GPRC5B: variants seen among roughly 807,000 people sequenced by gnomAD.
The protein encoded by GPRC5B is G protein-coupled receptor family C group 5 member B.
Under a neutral mutation model 30.1 loss-of-function variants are expected in GPRC5B, and 16 were observed. The observed-to-expected ratio is 0.53, with a 90% confidence interval of 0.36 to 0.81. GPRC5B has a LOEUF of 0.81. Among genes scored for constraint, GPRC5B ranks in the 30% least tolerant of loss-of-function variants. The probability of loss-of-function intolerance (pLI) is 0.01; values close to 1 mark genes in which losing one functional copy is unlikely to be tolerated. For missense variants in GPRC5B, 428 were observed against 544.7 expected (o/e 0.79, Z 2.13); for synonymous variants, 241 against 239.5 (o/e 1.01, Z -0.06).
chr16:19,875,307 G>C (rs991104198), intron 1 of GPRC5B, among the ~76,000 whole-genome samples: 1 of 152,320 alleles, frequency 6.6e-6, no homozygotes, highest in Admixed American at 6.5e-5. Context: ...CCCAGGCATC[G>C]GTCGGCCTGC....
chr16:19,884,905 G>A, upstream of GPRC5B: 1 of 967,684 alleles, frequency 1.0e-6, no homozygotes. Context: ...CGCTGCTGCA[G>A]CGGCCGCGGC....
rs757229231 is a variant in GPRC5B, at chr16:19,872,876, G to C, written c.-1-30C>G. 2 of 1,531,310 alleles carry C rather than the reference G, an allele frequency of 1.3e-6. No individual in the cohort carries two copies. The highest frequency in any genetic ancestry group is 1.8e-6 in the Non-Finnish European group (2 of 1,112,916). The allele number at this position is 1,531,310 out of a possible 1,614,324, so 94.9% of individuals were successfully genotyped here. Reference sequence around the variant, plus strand: ...AAAAGCCAAGAGGGGAATGGTTGGGGGGAAGGAAAGATGAATTCATTGGAA... The same window carrying C: ...AAAAGCCAAGAGGGGAATGGTTGGGCGGAAGGAAAGATGAATTCATTGGAA... On this transcript the variant is annotated intron_variant, in intron 1 of 3. Transcript: ENST00000300571. The surrounding 1 kb of genome is among the most constrained non-coding windows in gnomAD (Gnocchi z 5.0).
intron 3 of GPRC5B, among the ~76,000 whole-genome samples, chr16:19,861,103 AAG>A (rs2056619538): frequency 6.6e-6 from 1 of 151,450 alleles, no homozygotes; most frequent in Non-Finnish European, 1.5e-5. Context: ...AAAAAAAAAA[AAG>A]AAGAATGCTC....
rs1323821994 is a variant in GPRC5B, at chr16:19,872,974, C to T, written c.-1-128G>A. Reference sequence around the variant, plus strand: ...CCTGCAAGCGCACACGGCACCTTTGCACACATAGGAAAACGTGCTCCTTTC... The same window carrying T: ...CCTGCAAGCGCACACGGCACCTTTGTACACATAGGAAAACGTGCTCCTTTC... On this transcript the variant is annotated intron_variant, in intron 1 of 3. Coordinates refer to ENST00000300571, the MANE Select transcript of GPRC5B (RefSeq NM_016235.3). This position sits in a 1 kb window ranked among gnomAD's most constrained non-coding sequence, Gnocchi z 5.0. The T allele has an allele frequency of 4.5e-6, 3 of 663,908 alleles. No homozygotes were observed. Among genetic ancestry groups the T allele is most frequent in the South Asian group, 1.9e-5 (1 of 54,038 alleles). The allele number at this position is 663,908 out of a possible 1,614,324, so 41.1% of individuals were successfully genotyped here. A position where few individuals can be genotyped will look rare whatever the true frequency, so the allele number is the denominator to read the frequency against.
At position 19,872,638 on chromosome 16, in the gene GPRC5B, T is replaced by G; in HGVS notation, c.208A>C (p.Thr70Pro). Residue 70 changes from threonine (T) to proline (P), a missense_variant, in exon 2 of 4, where the codon ACA (threonine) becomes CCA (proline). By Grantham distance (38) the Thr-to-Pro change is conservative. Around this residue, in one of 3 missense-constraint regions of GPRC5B, gnomAD observed 196 missense variants for 272.6 expected, o/e 0.72. Coordinates refer to ENST00000300571, the MANE Select transcript of GPRC5B (RefSeq NM_016235.3). The surrounding 1 kb of genome is among the most constrained non-coding windows in gnomAD (Gnocchi z 5.0). The part of the protein sequence containing the change: ...EAVAGAGALI[T>P]LLLMLILLVR... ...AGGAGGATGAGCATCAGGAGCAGTG[T>G]GATCAGGGCGCCCGCCCCGGCCACC... The G allele has an allele frequency of 6.2e-7, 1 of 1,614,112 alleles. No homozygotes were observed. Among genetic ancestry groups the G allele is most frequent in the Non-Finnish European group, 8.5e-7 (1 of 1,179,958 alleles).
intron 1 of GPRC5B, among the ~76,000 whole-genome samples, chr16:19,880,481 A>T (rs1470204601): frequency 6.6e-6 from 1 of 152,250 alleles, no homozygotes; most frequent in African/African-American, 2.4e-5. Context: ...AATGTGTTGT[A>T]ATGAGATTAC....
chr16:19,885,174 G>C (rs770108162), upstream of GPRC5B: 148 of 1,278,934 alleles, frequency 1.2e-4, no homozygotes, highest in South Asian at 1.6e-3. The surrounding 1 kb of genome is among the most constrained non-coding windows in gnomAD (Gnocchi z 5.3). Flanking sequence ...ATCCATTTGC[G>C]GGAACACTCC....
chr16:19,885,390 C>G, upstream of GPRC5B: 1 of 1,171,964 alleles, frequency 8.5e-7, no homozygotes, highest in South Asian at 1.5e-5. The surrounding 1 kb of genome is among the most constrained non-coding windows in gnomAD (Gnocchi z 5.3). Flanking sequence ...CCTAGGCGCA[C>G]ACACACCGCT....
At chr16:19,883,319 C>G (rs1274290339) in intron 1 of GPRC5B, among the ~76,000 whole-genome samples, 1 of 152,244 alleles carries the variant, frequency 6.6e-6, no homozygotes, top group Non-Finnish European at 1.5e-5. Context: ...CCCAACTCAG[C>G]TGACCCCTTT....
intron 1 of GPRC5B, among the ~76,000 whole-genome samples, chr16:19,874,023 T>C (rs1377418497): frequency 1.3e-5 from 2 of 152,146 alleles, no homozygotes; most frequent in East Asian, 3.9e-4. Context: ...CCTCAGGTGA[T>C]CCACCCGCCT....
chr16:19,864,195 C>G (rs2056649171), intron 2 of GPRC5B, among the ~76,000 whole-genome samples: 1 of 152,186 alleles, frequency 6.6e-6, no homozygotes, highest in Non-Finnish European at 1.5e-5. Context: ...TTGCATAGAC[C>G]CTGCATGTGA....
At chr16:19,870,772 G>A (rs1234686694) in intron 2 of GPRC5B, among the ~76,000 whole-genome samples, 1 of 152,142 alleles carries the variant, frequency 6.6e-6, no homozygotes, top group Non-Finnish European at 1.5e-5. Flanking sequence ...AGAGTGCGGT[G>A]AACAGAAAAG....
intron 1 of GPRC5B, among the ~76,000 whole-genome samples, chr16:19,875,460 GTATT>G: frequency 6.6e-6 from 1 of 152,352 alleles, no homozygotes; most frequent in African/African-American, 2.4e-5. Context: ...ACACATTCAA[GTATT>G]TATCTCCAGA....
At chr16:19,879,457 G>A (rs538502362) in intron 1 of GPRC5B, among the ~76,000 whole-genome samples, 38 of 151,874 alleles carry the variant, frequency 2.5e-4, no homozygotes, top group Non-Finnish European at 2.4e-4. Context: ...ACACACACGC[G>A]CATGCACGCA....
rs759901184 is a variant in GPRC5B at position 19,872,149 on chromosome 16, C to A, written c.697G>T (p.Gly233Trp). The change falls in exon 2 of 4, where the codon GGG becomes TGG. Residue 233 changes from glycine to tryptophan, a missense_variant. This residue lies in a region of GPRC5B where 213 missense variants were observed against 229.1 expected (regional missense o/e 0.93). Transcript: ENST00000300571. The surrounding 1 kb of genome is among the most constrained non-coding windows in gnomAD (Gnocchi z 5.0). ...AAGGCTGTGATGAGGAGGAAGGCCC[C>A]GTTCAGCTTCCACCTCTTGAACTTG... ...CGKFKRWKLNGAFLLITAFLS... is the reference protein window; with the variant it reads ...CGKFKRWKLNWAFLLITAFLS... The A allele has an allele frequency of 1.5e-5, 24 of 1,613,894 alleles. No individual in the cohort carries two copies. Among genetic ancestry groups the A allele is most frequent in the Non-Finnish European group, 1.9e-5 (23 of 1,179,900 alleles).
chr16:19,861,765 C>G, intron 3 of GPRC5B, 72 bp downstream of exon 3: 1 of 1,321,572 alleles, frequency 7.6e-7, no homozygotes, highest in East Asian at 2.3e-5. Flanking sequence ...AGGAGTATGT[C>G]CCTGTTGAAG....
chr16:19,867,505 T>C (rs144266419), intron 2 of GPRC5B, among the ~76,000 whole-genome samples: 59 of 152,348 alleles, frequency 3.9e-4, no homozygotes, highest in African/African-American at 1.2e-3. Flanking sequence ...GTAAAGGCCA[T>C]GATACTTGGG....
chr16:19,857,859 C>T lies in GPRC5B; in HGVS notation c.*2641G>A, dbSNP rs918923018. The stretch of plus-strand genomic sequence containing the variant: ...CCAGTTTGTAAGCTGTCAGAGCTGA[C>T]TCCCTTCTCTTCCCACCCTCCACCT... On this transcript the variant is annotated 3_prime_UTR_variant, in exon 4 of 4. Transcript: ENST00000300571. 2 of 153,588 alleles carry T rather than the reference C, an allele frequency of 1.3e-5. No individual in the cohort carries two copies. Among genetic ancestry groups the T allele is most frequent in the African/African-American group, 4.8e-5 (2 of 41,422 alleles). The allele number at this position is 153,588 out of a possible 1,614,324, so 9.5% of individuals were successfully genotyped here.
At chr16:19,878,872 A>G (rs1403380901) in intron 1 of GPRC5B, among the ~76,000 whole-genome samples, 3 of 152,204 alleles carry the variant, frequency 2.0e-5, no homozygotes, top group Non-Finnish European at 4.4e-5. Context: ...TGGCAAAAGC[A>G]GCAACATCGC....
Sources: allele counts gnomAD v4.1 joint callset (sites outside exome capture counted in the v4.1 genomes callset), GRCh38; gene constraint gnomAD v4.1.1; regional missense constraint gnomAD v4.1.1; non-coding constraint Gnocchi (gnomAD v3.1); transcripts MANE v1.5; gene names NCBI Gene and HGNC (gene_info 2026-07-23, HGNC 2026-07-21).